The following KDM1B variants were observed in gnomAD, a reference collection of about 807,000 sequenced individuals.
The protein encoded by KDM1B is lysine-specific histone demethylase 2.
KDM1B carries 63 observed loss-of-function variants against 107.4 expected under a neutral mutation model. That is an observed-to-expected ratio of 0.59 (90% confidence interval 0.48 to 0.72). The LOEUF is 0.72. KDM1B is among the 30% of genes least tolerant of loss of function. KDM1B has a pLI of 0.00. For missense variants in KDM1B, 749 were observed against 1,020.8 expected (o/e 0.73, Z 3.63); for synonymous variants, 363 against 363.9 (o/e 1.00, Z 0.03).
rs1161375693 is a variant in KDM1B at position 18,217,902 on chromosome 6, C to T, written c.2385+17C>T. On this transcript the variant is annotated intron_variant, in intron 21 of 21. Transcript: ENST00000650836. ...GCTGGTGAGGTATGGATCTTGATTC[C>T]AAACCCAATTATTTGTATTTTGATT... 4.4e-6 allele frequency: 7 copies of T among 1,600,462 alleles called. No individual in the cohort carries two copies. Among genetic ancestry groups the T allele is most frequent in the Admixed American group, 1.8e-5 (1 of 56,098 alleles).
At chr6:18,157,997 T>G (rs12193692) in intron 2 of KDM1B, among the ~76,000 whole-genome samples, 134,069 of 151,702 alleles carry the variant, frequency 0.88, 59,355 homozygotes, top group Middle Eastern at 0.91. Context: ...GTATTTTTAG[T>G]AGAGATGGGG....
In KDM1B at chr6:18,205,602, G is replaced by A; in HGVS notation, c.1597G>A (p.Gly533Arg). Residue 533 changes from glycine to arginine, a missense_variant, in exon 15 of 22, where the codon GGA (glycine) becomes AGA (arginine). Gly to Arg is a moderately radical substitution (Grantham distance 125). Coordinates refer to ENST00000650836, the MANE Select transcript of KDM1B (RefSeq NM_001364614.2). The surrounding 1 kb of genome is among the most constrained non-coding windows in gnomAD (Gnocchi z 5.7). ...TGGTATCCAATTCAGTGAGCTGGAG[G>A]GACAGGTGCTTCAGTTCCATCTCAG... ...ESGIQFSELE[G>R]QVLQFHLSNL... 1 of 1,543,722 alleles carries A rather than the reference G, an allele frequency of 6.5e-7. No homozygotes were observed. Among genetic ancestry groups the A allele is most frequent in the Non-Finnish European group, 8.7e-7 (1 of 1,143,696 alleles).
chr6:18,178,475 C>T (rs1182192119), intron 7 of KDM1B, among the ~76,000 whole-genome samples: 3 of 152,072 alleles, frequency 2.0e-5, no homozygotes, highest in African/African-American at 4.8e-5. Flanking sequence ...TCACTGCAAC[C>T]TCCGCCTCCC....
rs750223122 is a variant in KDM1B at position 18,204,637 on chromosome 6, A to C, written c.1532-900A>C. On this transcript the variant is annotated intron_variant, in intron 14 of 21. Transcript: ENST00000650836. This position sits in a 1 kb window ranked among gnomAD's most constrained non-coding sequence, Gnocchi z 4.9. Reference sequence around the variant, plus strand: ...GCCAGAACCCTCTTCCAGCCCTGCTATAAAGGAATGTAAGACAAAAATGAT... The same window carrying C: ...GCCAGAACCCTCTTCCAGCCCTGCTCTAAAGGAATGTAAGACAAAAATGAT... 6.6e-6 allele frequency among the ~76,000 whole-genome samples: 1 copy of C among 152,218 alleles called. No homozygotes were observed. Among genetic ancestry groups the C allele is most frequent in the Non-Finnish European group, 1.5e-5 (1 of 68,044 alleles).
intron 21 of KDM1B, 115 bp downstream of exon 21, chr6:18,218,000 CCA>C: frequency 1.8e-6 from 2 of 1,108,450 alleles, no homozygotes; most frequent in Non-Finnish European, 2.6e-6. Flanking sequence ...AGTCTTATGA[CCA>C]CAGACAGCAG....
At chr6:18,218,120 CTT>C (rs1789389265) in intron 21 of KDM1B, among the ~76,000 whole-genome samples, 2 of 151,564 alleles carry the variant, frequency 1.3e-5, no homozygotes, top group African/African-American at 2.4e-5. Context: ...TGCCATCTCT[CTT>C]TCTTTTTTGT....
chr6:18,171,322 T>G, intron 6 of KDM1B, 41 bp from the exon 7 acceptor site: 1 of 967,704 alleles, frequency 1.0e-6, no homozygotes. Context: ...TAACTGAAGA[T>G]TAGCTCACTT....
At position 18,213,660 on chromosome 6, in the gene KDM1B, C is replaced by T. The variant is rs777090375; in HGVS notation, c.1988C>T (p.Ala663Val). Residue 663 changes from alanine to valine, a missense_variant, in exon 19 of 22, where the codon GCC (alanine) becomes GTC (valine). Transcript: ENST00000650836. This position sits in a 1 kb window ranked among gnomAD's most constrained non-coding sequence, Gnocchi z 5.9. ...TTTCTTCTGCTCACTTTGCAGATTGCCTTGCAATTTCCGTATAGATTTTGG... is the reference window on the plus strand; with the variant it reads ...TTTCTTCTGCTCACTTTGCAGATTGTCTTGCAATTTCCGTATAGATTTTGG... The part of the protein sequence containing the change: ...SLGAGIIEKI[A>V]LQFPYRFWDS... 2 of 1,614,036 alleles carry T rather than the reference C, an allele frequency of 1.2e-6. No individual in the cohort carries two copies. Among genetic ancestry groups the T allele is most frequent in the East Asian group, 2.2e-5 (1 of 44,878 alleles).
chr6:18,182,146 A>T (rs1786523080), intron 7 of KDM1B, among the ~76,000 whole-genome samples: 1 of 152,100 alleles, frequency 6.6e-6, no homozygotes, highest in Non-Finnish European at 1.5e-5. Flanking sequence ...TGAAAACTTA[A>T]CTACTTTTCT....
At chr6:18,218,476 A>G (rs368646592) in intron 21 of KDM1B, among the ~76,000 whole-genome samples, 148 of 152,156 alleles carry the variant, frequency 9.7e-4, no homozygotes, top group African/African-American at 3.4e-3. Context: ...CTGCCTCCCT[A>G]TTGGGTTAAA....
chr6:18,170,194 A>C (rs1396971688), intron 6 of KDM1B, among the ~76,000 whole-genome samples: 1 of 152,156 alleles, frequency 6.6e-6, no homozygotes, highest in African/African-American at 2.4e-5. Flanking sequence ...GAGACACTGC[A>C]CCAAGTCTGG....
intron 20 of KDM1B, among the ~76,000 whole-genome samples, chr6:18,216,149 G>A (rs1428136677): frequency 6.6e-6 from 1 of 152,118 alleles, no homozygotes; most frequent in Non-Finnish European, 1.5e-5. Flanking sequence ...GCACAATCTT[G>A]GCTCACTGCA....
intron 17 of KDM1B, among the ~76,000 whole-genome samples, chr6:18,208,629 T>TATATATATATATATATA (rs1788587576): frequency 7.3e-5 from 1 of 13,784 alleles, no homozygotes; most frequent in Non-Finnish European, 1.2e-4. Context: ...ATATATATAT[T>TATATATATATATATATA]TTTTTTTTTT....
At position 18,208,164 on chromosome 6, in the gene KDM1B, G is replaced by A. The variant is rs1241223345; in HGVS notation, c.1824G>A (p.Val608=). ...GTATTGATTATTCTGGAGATGAAGTGCAGGTTACCACTACAGATGGCACAG... is the reference window on the plus strand; with the variant it reads ...GTATTGATTATTCTGGAGATGAAGTACAGGTTACCACTACAGATGGCACAG... The part of the protein sequence containing the change: ...VQCIDYSGDE[V]QVTTTDGTGY... Residue 608 remains valine (V), a synonymous_variant, in exon 17 of 22, where the codon GTG becomes GTA. Coordinates refer to ENST00000650836, the MANE Select transcript of KDM1B (RefSeq NM_001364614.2). 5.0e-6 allele frequency: 8 copies of A among 1,613,660 alleles called. No individual in the cohort carries two copies. Among genetic ancestry groups the A allele is most frequent in the East Asian group, 2.2e-5 (1 of 44,864 alleles).
chr6:18,222,229 CTG>C lies in KDM1B; in HGVS notation c.*238_*239del. The C allele has an allele frequency of 1.6e-6, 1 of 625,078 alleles. No individual in the cohort carries two copies. 38.7% of individuals were successfully genotyped at this position (625,078 alleles called of 1,614,324 possible). The stretch of plus-strand genomic sequence containing the variant: ...CATAGGTTCAACTACTGCTGAAAGT[CTG>C]GATTTCAGAATAAAGCAGAATGTAA... On this transcript the variant is annotated 3_prime_UTR_variant, in exon 22 of 22. Transcript: ENST00000650836.
At chr6:18,175,553 G>A (rs187783694) in intron 7 of KDM1B, among the ~76,000 whole-genome samples, 1 of 152,264 alleles carries the variant, frequency 6.6e-6, no homozygotes, top group Admixed American at 6.5e-5. Flanking sequence ...CCTTGCCTAA[G>A]CAAGTGTCTA....
At chr6:18,217,545 AT>A (rs1789341225) in intron 20 of KDM1B, among the ~76,000 whole-genome samples, 187 bp from the exon 21 acceptor site, 1 of 151,596 alleles carries the variant, frequency 6.6e-6, no homozygotes, top group Non-Finnish European at 1.5e-5. Context: ...TGCCTGGCTA[AT>A]TTTTCTATTT....
chr6:18,167,232 C>T (rs12173610), intron 6 of KDM1B, among the ~76,000 whole-genome samples: 49,106 of 151,018 alleles, frequency 0.33, 8,102 homozygotes, highest in East Asian at 0.52. Flanking sequence ...TGGCGCGCGC[C>T]TGTTGTCCCA....
rs1582188022 is a variant in KDM1B, at chr6:18,205,157, G to A, written c.1532-380G>A. Reference sequence around the variant, plus strand: ...ATGGCAGCAGGACCAGAAAGAGAATGGTAACTTCTGTGTGTGTGCATGTAC... The same window carrying A: ...ATGGCAGCAGGACCAGAAAGAGAATAGTAACTTCTGTGTGTGTGCATGTAC... On this transcript the variant is annotated intron_variant, in intron 14 of 21. Transcript: ENST00000650836. This position sits in a 1 kb window ranked among gnomAD's most constrained non-coding sequence, Gnocchi z 5.7. Among the ~76,000 whole-genome samples the A allele has an allele frequency of 6.6e-6, 1 of 152,218 alleles. No homozygotes were observed. The highest frequency in any genetic ancestry group is 1.9e-4 in the East Asian group (1 of 5,178).
Sources: gnomAD v4.1 joint callset for allele counts (sites outside exome capture counted in the v4.1 genomes callset) on GRCh38, gnomAD v4.1.1 for gene constraint, Gnocchi (gnomAD v3.1) non-coding constraint, MANE v1.5 for transcripts, NCBI Gene and HGNC (gene_info 2026-07-23, HGNC 2026-07-21) for gene names.